TENT5C: variants seen among roughly 807,000 people sequenced by gnomAD.
TENT5C encodes the protein terminal nucleotidyltransferase 5C.
A neutral mutation model predicts 22.2 loss-of-function variants in TENT5C; 5 were observed. The ratio of observed to expected loss-of-function variants is 0.22; its 90% CI spans 0.12 to 0.47. TENT5C has a LOEUF of 0.47. TENT5C is among the 20% of genes least tolerant of loss of function. TENT5C has a pLI of 0.99. For missense variants in TENT5C, 364 were observed against 500.9 expected, an observed-to-expected ratio of 0.73 and a Z score of 2.61; for synonymous variants, 199 against 195.4, an observed-to-expected ratio of 1.02 and a Z score of -0.15.
At chr1:117,616,504 T>C (rs1653782767) in intron 1 of TENT5C, among the ~76,000 whole-genome samples, 1 of 152,216 alleles carries the variant, frequency 6.6e-6, no homozygotes, top group Admixed American at 6.5e-5. Context: ...GTGGAAGATG[T>C]GTGGGAAGAG....
At chr1:117,607,275 C>G (rs1464454074) in intron 1 of TENT5C, among the ~76,000 whole-genome samples, 1 of 152,174 alleles carries the variant, frequency 6.6e-6, no homozygotes, top group Non-Finnish European at 1.5e-5. Context: ...CTCCCTTCCC[C>G]TTCGCCCTTT....
At chr1:117,607,914 G>C (rs1206083700) in intron 1 of TENT5C, among the ~76,000 whole-genome samples, 1 of 152,100 alleles carries the variant, frequency 6.6e-6, no homozygotes, top group African/African-American at 2.4e-5. Flanking sequence ...ATGATCTCTG[G>C]AGTCAAGCTT....
intron 1 of TENT5C, among the ~76,000 whole-genome samples, chr1:117,610,592 ATC>A (rs1393792935): frequency 6.6e-6 from 1 of 152,136 alleles, no homozygotes; most frequent in Non-Finnish European, 1.5e-5. Flanking sequence ...CAGTAGCACG[ATC>A]TCTGCTCACT....
At chr1:117,622,100 T>C (rs826404) in intron 1 of TENT5C, among the ~76,000 whole-genome samples, 93,159 of 152,032 alleles carry the variant, frequency 0.61, 28,836 homozygotes, top group African/African-American at 0.68. Flanking sequence ...GTGACCTAAC[T>C]TTTTGTTGAC....
At chr1:117,614,638 A>G (rs79714122) in intron 1 of TENT5C, among the ~76,000 whole-genome samples, 2,299 of 152,254 alleles carry the variant, frequency 0.015, 37 homozygotes, top group Admixed American at 0.027. Flanking sequence ...TCTCGACTGT[A>G]GCTAGTGTCC....
rs587778307 is a variant in TENT5C at position 117,622,957 on chromosome 1, C to G, written c.89C>G (p.Thr30Ser). The G allele has an allele frequency of 6.2e-7, 1 of 1,614,106 alleles. No individual in the cohort carries two copies. The highest frequency in any genetic ancestry group is 1.7e-5 in the Admixed American group (1 of 60,014). The change falls in exon 2 of 2, where the codon ACT becomes AGT. Residue 30 changes from threonine to serine, a missense_variant. By Grantham distance (58) the Thr-to-Ser change is moderately conservative. This residue lies in a region of TENT5C where 303 missense variants were observed against 394.5 expected (regional missense o/e 0.77). Coordinates refer to ENST00000369448, the MANE Select transcript of TENT5C (RefSeq NM_017709.4). ...DQVSRLHEVLTEVVPIHGRGN... is the reference protein window; with the variant it reads ...DQVSRLHEVLSEVVPIHGRGN... The stretch of plus-strand genomic sequence containing the variant: ...GTTAGCCGGCTGCATGAGGTCCTCA[C>G]TGAAGTTGTACCTATCCACGGACGA...
At chr1:117,616,944 G>A (rs989942638) in intron 1 of TENT5C, among the ~76,000 whole-genome samples, 2 of 152,202 alleles carry the variant, frequency 1.3e-5, no homozygotes, top group African/African-American at 4.8e-5. Flanking sequence ...TAACTTGATA[G>A]ATGTATGTCT....
intron 1 of TENT5C, among the ~76,000 whole-genome samples, chr1:117,606,839 G>T (rs1041686653): frequency 6.6e-6 from 1 of 152,176 alleles, no homozygotes; most frequent in Non-Finnish European, 1.5e-5. Context: ...AGCAGCAAAG[G>T]GATCCAAGCC....
intron 1 of TENT5C, among the ~76,000 whole-genome samples, chr1:117,611,493 T>TAAAAATATGAG (rs370642433): frequency 1.7e-4 from 26 of 152,210 alleles, no homozygotes; most frequent in African/African-American, 6.0e-4. Context: ...TGCTTTCCAG[T>TAAAAATATGAG]AAAAATATGA....
At chr1:117,609,843 T>C (rs1045560898) in intron 1 of TENT5C, among the ~76,000 whole-genome samples, 6 of 152,044 alleles carry the variant, frequency 3.9e-5, no homozygotes, top group African/African-American at 9.7e-5. Context: ...GAGGGAGGCG[T>C]ACTTGAAGTG....
chr1:117,621,692 G>C (rs1394315086), intron 1 of TENT5C, among the ~76,000 whole-genome samples: 2 of 152,150 alleles, frequency 1.3e-5, no homozygotes, highest in African/African-American at 4.8e-5. Context: ...AAAGGCGGAG[G>C]GGGTGGGAAA....
chr1:117,615,566 C>G (rs1278806582), intron 1 of TENT5C, among the ~76,000 whole-genome samples: 1 of 152,214 alleles, frequency 6.6e-6, no homozygotes, highest in Non-Finnish European at 1.5e-5. Flanking sequence ...AACATCTAGT[C>G]ACATGTGGTG....
At chr1:117,613,237 A>G (rs1261461427) in intron 1 of TENT5C, among the ~76,000 whole-genome samples, 2 of 152,226 alleles carry the variant, frequency 1.3e-5, no homozygotes, top group South Asian at 2.1e-4. Context: ...GACACCTTGG[A>G]AAAAAATCAA....
intron 1 of TENT5C, among the ~76,000 whole-genome samples, chr1:117,616,862 A>G (rs577879694): frequency 7.7e-4 from 118 of 152,262 alleles, no homozygotes; most frequent in African/African-American, 2.8e-3. Flanking sequence ...TTTTCCTGAA[A>G]TTTTCTAGAC....
At chr1:117,618,560 C>T (rs1002017710) in intron 1 of TENT5C, among the ~76,000 whole-genome samples, 4 of 149,916 alleles carry the variant, frequency 2.7e-5, no homozygotes, top group African/African-American at 9.9e-5. Context: ...AATTTTGTCA[C>T]ATGGATGTGG....
rs748312574 is a variant in TENT5C, at chr1:117,624,035, C to G, written c.1167C>G (p.Pro389=). The G allele has an allele frequency of 3.7e-6, 6 of 1,611,424 alleles. No homozygotes were observed. The Admixed American group carries it at 1.0e-4, about 27-fold the overall frequency. ...GCCAGCCTTACCCTACCTGGCTGCCCTGTAACTAACCTTGAGACCTGAGGG... is the reference window on the plus strand; with the variant it reads ...GCCAGCCTTACCCTACCTGGCTGCCGTGTAACTAACCTTGAGACCTGAGGG... ...TYSQPYPTWL[P]CN is the part of the protein sequence containing the mutation. The change falls in exon 2 of 2, where the codon CCC becomes CCG. Residue 389 remains proline (P), a synonymous_variant. Coordinates refer to ENST00000369448, the MANE Select transcript of TENT5C (RefSeq NM_017709.4).
chr1:117,618,376 G>T (rs1243969792), intron 1 of TENT5C, among the ~76,000 whole-genome samples: 1 of 151,810 alleles, frequency 6.6e-6, no homozygotes, highest in Non-Finnish European at 1.5e-5. Flanking sequence ...AGATGGATTT[G>T]CATGAATTAG....
chr1:117,608,003 T>C (rs1653579509), intron 1 of TENT5C, among the ~76,000 whole-genome samples: 1 of 152,050 alleles, frequency 6.6e-6, no homozygotes, highest in Admixed American at 6.5e-5. Flanking sequence ...ATAAAGAGTT[T>C]TTAGGAAGAT....
intron 1 of TENT5C, among the ~76,000 whole-genome samples, chr1:117,611,117 G>T (rs536543640): frequency 6.6e-6 from 1 of 152,166 alleles, no homozygotes; most frequent in South Asian, 2.1e-4. Context: ...TCTGCTCGTC[G>T]TAGTTAGAGA....
Sources: gnomAD v4.1 joint callset for allele counts (sites outside exome capture counted in the v4.1 genomes callset) on GRCh38, gnomAD v4.1.1 for gene constraint, gnomAD v4.1.1 regional missense constraint, MANE v1.5 for transcripts, NCBI Gene and HGNC (gene_info 2026-07-23, HGNC 2026-07-21) for gene names.